The following SVIL variants were observed in gnomAD, a reference collection of about 807,000 sequenced individuals.
SVIL encodes archvillin.
SVIL carries 101 observed loss-of-function variants against 240.4 expected under a neutral mutation model. The ratio of observed to expected loss-of-function variants is 0.42; its 90% confidence interval spans 0.36 to 0.50. The LOEUF (loss-of-function observed/expected upper bound fraction) is 0.50. SVIL is among the 20% of genes least tolerant of loss of function. SVIL has a pLI of 0.01. For synonymous variants in SVIL, 999 were observed against 1,100.0 expected, an observed-to-expected ratio of 0.91 and a Z score of 1.82; for missense variants, 2,512 against 2,818.7, an observed-to-expected ratio of 0.89 and a Z score of 2.46.
chr10:29,598,822 C>T (rs141049006), intron 1 of SVIL, among the ~76,000 whole-genome samples: 23 of 152,278 alleles, frequency 1.5e-4, no homozygotes, highest in African/African-American at 5.5e-4. Context: ...TTGGCCACAG[C>T]GGCTGTGTAG....
In SVIL at chr10:29,458,113, T is replaced by G; in HGVS notation, c.*134A>C. 1 of 861,646 alleles carries G rather than the reference T, an allele frequency of 1.2e-6. No homozygotes were observed. Among genetic ancestry groups the G allele is most frequent in the Non-Finnish European group, 1.8e-6 (1 of 554,990 alleles). 53.4% of individuals were successfully genotyped at this position (861,646 alleles called of 1,614,324 possible). ...ACAACTCCGGGACAAGCAGTATCTT[T>G]AACAATGTCAGGTTCTGAAAACTCT... On this transcript the variant is annotated 3_prime_UTR_variant, in exon 38 of 38. Transcript: ENST00000355867.
intron 7 of SVIL, among the ~76,000 whole-genome samples, chr10:29,534,352 C>A (rs1218402461): frequency 6.6e-6 from 1 of 151,960 alleles, no homozygotes; most frequent in African/African-American, 2.4e-5. Context: ...AAGTAAAAAA[C>A]AATATCTAGG....
At chr10:29,522,124 G>A (rs1349688072) in intron 16 of SVIL, among the ~76,000 whole-genome samples, 1 of 151,652 alleles carries the variant, frequency 6.6e-6, no homozygotes, top group Non-Finnish European at 1.5e-5. Flanking sequence ...TATTGGGACA[G>A]TGGAAACAAA....
intron 6 of SVIL, 135 bp downstream of exon 6, chr10:29,550,461 AT>A: frequency 9.1e-7 from 1 of 1,098,616 alleles, no homozygotes; most frequent in Non-Finnish European, 1.3e-6. Flanking sequence ...AAAAAAAAGA[AT>A]CATATACTAT....
At chr10:29,560,101 G>A (rs911292476) in intron 3 of SVIL, among the ~76,000 whole-genome samples, 2 of 152,172 alleles carry the variant, frequency 1.3e-5, no homozygotes, top group African/African-American at 4.8e-5. Flanking sequence ...GACAGCTCAA[G>A]AGCCCAGGCC....
chr10:29,673,162 C>T (rs768123731), intron 2 of SVIL, among the ~76,000 whole-genome samples: 1 of 152,144 alleles, frequency 6.6e-6, no homozygotes, highest in Non-Finnish European at 1.5e-5. Flanking sequence ...GATTCACCCA[C>T]CTTGGCCTCT....
intron 17 of SVIL, among the ~76,000 whole-genome samples, chr10:29,509,093 A>G (rs1246093129): frequency 6.6e-6 from 1 of 152,212 alleles, no homozygotes; most frequent in Admixed American, 6.5e-5. Flanking sequence ...TCTGGAGGAA[A>G]GTGTACACAA....
At chr10:29,682,785 A>C (rs1023752837) in intron 2 of SVIL, among the ~76,000 whole-genome samples, 1 of 152,200 alleles carries the variant, frequency 6.6e-6, no homozygotes, top group Non-Finnish European at 1.5e-5. Flanking sequence ...AGATGTTCTC[A>C]AAAAACACTG....
intron 2 of SVIL, among the ~76,000 whole-genome samples, chr10:29,674,285 T>C (rs1960033004): frequency 6.6e-6 from 1 of 152,090 alleles, no homozygotes; most frequent in Non-Finnish European, 1.5e-5. Flanking sequence ...CAGTGAGCTG[T>C]GATCCACTGC....
intron 1 of SVIL, among the ~76,000 whole-genome samples, chr10:29,617,578 TAAA>T (rs11345735): frequency 1.4e-5 from 2 of 139,654 alleles, no homozygotes; most frequent in Non-Finnish European, 1.5e-5. Context: ...AAAACTAATC[TAAA>T]AAAAAAAAAA....
chr10:29,573,657 A>G (rs1296543506), intron 1 of SVIL, among the ~76,000 whole-genome samples: 1 of 151,766 alleles, frequency 6.6e-6, no homozygotes, highest in African/African-American at 2.4e-5. Flanking sequence ...TCCTCACGTC[A>G]TTCTGTAGGT....
intron 2 of SVIL, among the ~76,000 whole-genome samples, chr10:29,670,285 G>T (rs1021398326): frequency 5.9e-5 from 9 of 152,148 alleles, no homozygotes; most frequent in Non-Finnish European, 1.2e-4. Context: ...CCTAAGAAAT[G>T]GATTTCTGTG....
chr10:29,551,935 A>T (rs922227629), intron 5 of SVIL, among the ~76,000 whole-genome samples: 1 of 152,000 alleles, frequency 6.6e-6, no homozygotes, highest in African/African-American at 2.4e-5. Context: ...ACATAGTGAG[A>T]CCCTGCCTCT....
At chr10:29,545,735 G>T (rs1183892193) in intron 6 of SVIL, among the ~76,000 whole-genome samples, 1 of 151,350 alleles carries the variant, frequency 6.6e-6, no homozygotes, top group Admixed American at 6.6e-5. Flanking sequence ...CATGCCTGTA[G>T]TCCCAGCTAC....
chr10:29,532,293 G>T, intron 8 of SVIL, 121 bp from the exon 9 acceptor site: 1 of 1,281,530 alleles, frequency 7.8e-7, no homozygotes, highest in Non-Finnish European at 1.1e-6. Context: ...CCCTCTTCAT[G>T]CCTCTACCAT....
chr10:29,458,570 T>C lies in SVIL; in HGVS notation c.6422A>G (p.Gln2141Arg). ...TAAGACGTCTTCCACGAGGGTGATC[T>C]GATTGGAAACTTCCGTGTCCTAGAG... Reference protein sequence around the residue: ...ITEMDTEVSNQITLVEDVLAK... With the variant: ...ITEMDTEVSNRITLVEDVLAK... Residue 2141 changes from glutamine (Q) to arginine (R), a missense_variant, in exon 37 of 38, where the codon CAG becomes CGG. Around this residue, in one of 3 missense-constraint regions of SVIL, gnomAD observed 797 missense variants for 925.3 expected, o/e 0.86. Transcript: ENST00000355867. 1 of 1,612,682 alleles carries C rather than the reference T, an allele frequency of 6.2e-7. No individual in the cohort carries two copies. Among genetic ancestry groups the C allele is most frequent in the Non-Finnish European group, 8.5e-7 (1 of 1,179,526 alleles).
chr10:29,518,663 G>A (rs920000807), intron 16 of SVIL, among the ~76,000 whole-genome samples: 13 of 152,082 alleles, frequency 8.5e-5, no homozygotes, highest in African/African-American at 2.2e-4. Flanking sequence ...CGACACCAGC[G>A]TAGCCAACAT....
At chr10:29,483,402 T>G (rs2074951899) in intron 27 of SVIL, 1 of 152,212 alleles carries the variant, frequency 6.6e-6, no homozygotes, top group Non-Finnish European at 1.5e-5. Context: ...GGCTGCATCT[T>G]AAAATCCCTA....
chr10:29,536,440 G>GA (rs202055484), intron 6 of SVIL, among the ~76,000 whole-genome samples: 50 of 152,080 alleles, frequency 3.3e-4, no homozygotes, highest in African/African-American at 1.2e-3. Context: ...ATATTATAGG[G>GA]AAAAAAAGAA....
Sources: allele counts gnomAD v4.1 joint callset (sites outside exome capture counted in the v4.1 genomes callset), GRCh38; gene constraint gnomAD v4.1.1; regional missense constraint gnomAD v4.1.1; transcripts MANE v1.5; gene names NCBI Gene and HGNC (gene_info 2026-07-23, HGNC 2026-07-21).